GALNT14: variants seen among roughly 807,000 people sequenced by gnomAD.
The protein encoded by GALNT14 is polypeptide N-acetylgalactosaminyltransferase 14.
A neutral mutation model predicts 77.5 loss-of-function variants in GALNT14; 60 were observed. The observed-to-expected ratio is 0.77, with a 90% CI of 0.63 to 0.96. The LOEUF (loss-of-function observed/expected upper bound fraction) is 0.96, where lower values mean the gene tolerates loss of function less well. Among genes scored for constraint, GALNT14 ranks in the 40% least tolerant of loss-of-function variants. The pLI is 0.00. For synonymous variants in GALNT14, 280 were observed against 281.7 expected (o/e 0.99, Z 0.06); for missense variants, 710 against 731.0 (o/e 0.97, Z 0.33).
intron 2 of GALNT14, among the ~76,000 whole-genome samples, chr2:30,982,475 A>G (rs763792475): frequency 3.3e-5 from 5 of 152,256 alleles, no homozygotes; most frequent in Non-Finnish European, 7.3e-5. Flanking sequence ...GGAATACTAC[A>G]CAGCAATGAG....
At chr2:31,123,299 A>G (rs1678515732) in intron 1 of GALNT14, among the ~76,000 whole-genome samples, 1 of 152,130 alleles carries the variant, frequency 6.6e-6, no homozygotes, top group Non-Finnish European at 1.5e-5. Flanking sequence ...TGATCATTTA[A>G]AACTATAAAA....
At chr2:31,102,519 T>C (rs1253333203) in intron 1 of GALNT14, among the ~76,000 whole-genome samples, 2 of 152,116 alleles carry the variant, frequency 1.3e-5, no homozygotes, top group East Asian at 3.9e-4. Flanking sequence ...CAGAGAATAT[T>C]GTATTTTTTC....
chr2:30,902,981 C>G, the GALNT14 span, among the ~76,000 whole-genome samples: 1 of 152,206 alleles, frequency 6.6e-6, no homozygotes, highest in Non-Finnish European at 1.5e-5. Context: ...TAGGAGCCAT[C>G]AGAATGTCTT....
intron 6 of GALNT14, among the ~76,000 whole-genome samples, chr2:30,953,863 A>G (rs1667192686): frequency 6.6e-6 from 1 of 152,054 alleles, no homozygotes; most frequent in Admixed American, 6.6e-5. Context: ...TCCTCTTCCA[A>G]CCATAACACC....
rs1667491141 is a variant in GALNT14 at position 30,958,416 on chromosome 2, C to T, written c.447G>A (p.Val149=). ...ACTTACGGTCATTGCTGAAGTCATCCACTAATATGATTTCCCGGATCAGAT... is the reference window on the plus strand; with the variant it reads ...ACTTACGGTCATTGCTGAAGTCATCTACTAATATGATTTCCCGGATCAGAT... ...PTHLIREIIL[V]DDFSNDPDDC... The change falls in exon 4 of 15, where the codon GTG becomes GTA. Residue 149 remains valine (V), a synonymous_variant. Coordinates refer to ENST00000349752, the MANE Select transcript of GALNT14 (RefSeq NM_024572.4). 6.2e-7 allele frequency: 1 copy of T among 1,613,868 alleles called. No individual in the cohort carries two copies. The highest frequency in any genetic ancestry group is 1.3e-5 in the African/African-American group (1 of 74,894).
chr2:30,955,870 G>C, intron 5 of GALNT14, 42 bp downstream of exon 5: 1 of 1,612,176 alleles, frequency 6.2e-7, no homozygotes. Context: ...TCGACCCCCC[G>C]ACACTCACAC....
chr2:30,947,001 T>A (rs1057050130), intron 6 of GALNT14, among the ~76,000 whole-genome samples: 1 of 152,152 alleles, frequency 6.6e-6, no homozygotes, highest in Non-Finnish European at 1.5e-5. Context: ...AACAGAATCA[T>A]CACCTGTCTT....
chr2:31,033,608 G>A (rs1484301073), intron 1 of GALNT14, among the ~76,000 whole-genome samples: 5 of 151,852 alleles, frequency 3.3e-5, no homozygotes, highest in African/African-American at 4.8e-5. Context: ...AGGTACTGGC[G>A]ACTTGCAACA....
intron 1 of GALNT14, among the ~76,000 whole-genome samples, chr2:31,083,078 C>G (rs1372647446): frequency 6.6e-6 from 1 of 152,068 alleles, no homozygotes; most frequent in Non-Finnish European, 1.5e-5. Context: ...AATAATGTAG[C>G]CTGCTAGGGT....
chr2:30,932,097 G>C lies in GALNT14; in HGVS notation c.1029C>G (p.Phe343Leu), dbSNP rs1205343708. ...TATACGTGTTGGCATTTCCATCAGG[G>C]AAAACGTAGGGGTGCTTCTTCCGGA... ...HVFRKKHPYVFPDGNANTYIK... is the reference protein window; with the variant it reads ...HVFRKKHPYVLPDGNANTYIK... The change falls in exon 10 of 15, where the codon TTC (phenylalanine) becomes TTG (leucine). Residue 343 changes from phenylalanine (F) to leucine (L), a missense_variant. Phe to Leu is a conservative substitution (Grantham distance 22). Transcript: ENST00000349752. 6.3e-7 allele frequency: 1 copy of C among 1,575,518 alleles called. No homozygotes were observed. Among genetic ancestry groups the C allele is most frequent in the Admixed American group, 1.8e-5 (1 of 55,018 alleles).
At chr2:31,027,902 G>C (rs1558505578) in intron 1 of GALNT14, among the ~76,000 whole-genome samples, 2 of 151,844 alleles carry the variant, frequency 1.3e-5, no homozygotes, top group Non-Finnish European at 2.9e-5. Context: ...GTGTGTGTGT[G>C]TGTGTGTGTG....
At chr2:30,903,913 A>G in the GALNT14 span, among the ~76,000 whole-genome samples, 1 of 152,238 alleles carries the variant, frequency 6.6e-6, no homozygotes, top group Admixed American at 6.5e-5. Flanking sequence ...AGTTAATAAG[A>G]ATGGACAACC....
At position 30,915,924 on chromosome 2, in the gene GALNT14, C is replaced by T. The variant is rs1056438029; in HGVS notation, c.1381-3582G>A. Reference sequence around the variant, plus strand: ...TCTAGGCTTTTCCTGGGCCTTGAAGCATGACAAGATAATGAAGGAATTCTT... The same window carrying T: ...TCTAGGCTTTTCCTGGGCCTTGAAGTATGACAAGATAATGAAGGAATTCTT... On this transcript the variant is annotated intron_variant, in intron 13 of 14. Transcript: ENST00000349752. 6.1e-4 allele frequency among the ~76,000 whole-genome samples: 93 copies of T among 152,126 alleles called. 1 individual carries two copies. Among genetic ancestry groups the T allele is most frequent in the African/African-American group, 2.2e-3 (92 of 41,504 alleles).
At chr2:30,899,367 C>T in the GALNT14 span, among the ~76,000 whole-genome samples, 14 of 152,200 alleles carry the variant, frequency 9.2e-5, no homozygotes, top group Non-Finnish European at 1.5e-4. Context: ...CTTGGAGGAC[C>T]ATCCAGCTGG....
At chr2:31,013,444 C>T (rs1017858632) in intron 1 of GALNT14, among the ~76,000 whole-genome samples, 2 of 152,298 alleles carry the variant, frequency 1.3e-5, no homozygotes, top group African/African-American at 2.4e-5. Flanking sequence ...CAACAAGTCA[C>T]CTACAGAAGG....
At chr2:30,938,909 C>T (rs1157345922) in intron 9 of GALNT14, among the ~76,000 whole-genome samples, 2 of 152,258 alleles carry the variant, frequency 1.3e-5, no homozygotes, top group Non-Finnish European at 2.9e-5. Flanking sequence ...GGAAAGATGT[C>T]TCTACCAGCT....
At chr2:31,129,490 G>A in intron 1 of GALNT14, 1 of 985,390 alleles carries the variant, frequency 1.0e-6, no homozygotes, top group Non-Finnish European at 1.2e-6. Context: ...CACCCAGCTG[G>A]CAGCCATCAA....
chr2:31,006,587 T>C (rs1034677462), intron 1 of GALNT14, among the ~76,000 whole-genome samples: 6 of 152,136 alleles, frequency 3.9e-5, no homozygotes, highest in Non-Finnish European at 7.4e-5. Flanking sequence ...GTCCCTGCCA[T>C]GATAGGGGAT....
At chr2:30,953,229 G>C (rs556289622) in intron 6 of GALNT14, among the ~76,000 whole-genome samples, 1 of 151,706 alleles carries the variant, frequency 6.6e-6, no homozygotes, top group South Asian at 2.1e-4. Context: ...CTGCTGCGGA[G>C]TAGAGTTCCT....
Sources: gnomAD v4.1 joint callset for allele counts (sites outside exome capture counted in the v4.1 genomes callset) on GRCh38, gnomAD v4.1.1 for gene constraint, MANE v1.5 for transcripts, NCBI Gene and HGNC (gene_info 2026-07-23, HGNC 2026-07-21) for gene names.